Variants in CTIF observed in about 807,000 individuals in gnomAD.
CTIF encodes cap binding complex dependent translation initiation factor.
In CTIF, 21 loss-of-function variants were observed where a neutral mutation model predicts 66.0. That is an observed-to-expected ratio of 0.32 (90% CI 0.23 to 0.46). The LOEUF is 0.46. CTIF is among the 20% of genes least tolerant of loss of function. The pLI is 1.00. For synonymous variants in CTIF, 345 were observed against 326.4 expected (o/e 1.06, Z -0.62); for missense variants, 739 against 812.7 (o/e 0.91, Z 1.10).
intron 10 of CTIF, among the ~76,000 whole-genome samples, chr18:48,856,011 G>A (rs2146665069): frequency 1.3e-5 from 2 of 152,348 alleles, no homozygotes; most frequent in South Asian, 4.1e-4. Context: ...CATGGCAGGA[G>A]GGGACGGCAT....
intron 1 of CTIF, among the ~76,000 whole-genome samples, chr18:48,570,256 C>T (rs1420776515): frequency 5.9e-5 from 9 of 152,164 alleles, no homozygotes; most frequent in African/African-American, 1.2e-4. Context: ...TGATTCTCAG[C>T]GGGTAAAAGC....
At chr18:48,745,857 T>TGG (rs2092591744) in intron 7 of CTIF, among the ~76,000 whole-genome samples, 13 of 152,226 alleles carry the variant, frequency 8.5e-5, no homozygotes, top group African/African-American at 3.1e-4. Flanking sequence ...CTCTCTGTGA[T>TGG]AACGTCTCAC....
intron 1 of CTIF, among the ~76,000 whole-genome samples, chr18:48,579,349 T>C (rs1568045814): frequency 6.6e-6 from 1 of 152,162 alleles, no homozygotes; most frequent in Non-Finnish European, 1.5e-5. Context: ...TTTCTCCATG[T>C]TGGCCAGGCT....
intron 10 of CTIF, 81 bp downstream of exon 10, chr18:48,817,457 CT>C: frequency 6.7e-7 from 1 of 1,499,344 alleles, no homozygotes; most frequent in South Asian, 1.3e-5. Flanking sequence ...TGGGACAAAG[CT>C]GTGAGGGTAG....
At chr18:48,815,784 G>A (rs552457532) in intron 9 of CTIF, among the ~76,000 whole-genome samples, 1 of 152,350 alleles carries the variant, frequency 6.6e-6, no homozygotes, top group South Asian at 2.1e-4. Flanking sequence ...ATGCTTGGCT[G>A]AAGTCAGCAG....
intron 9 of CTIF, among the ~76,000 whole-genome samples, chr18:48,771,546 T>C (rs1221391304): frequency 2.0e-5 from 3 of 152,210 alleles, no homozygotes; most frequent in Non-Finnish European, 4.4e-5. Flanking sequence ...CTTCCCTGCA[T>C]GCCCTCACCC....
At chr18:48,788,108 C>T (rs1294781346) in intron 9 of CTIF, among the ~76,000 whole-genome samples, 1 of 152,156 alleles carries the variant, frequency 6.6e-6, no homozygotes, top group African/African-American at 2.4e-5. Flanking sequence ...GTGATAATCC[C>T]CATGGGGACA....
chr18:48,761,768 C>T lies in CTIF; in HGVS notation c.1371+79C>T, dbSNP rs910432088. 36 of 1,372,086 alleles carry T rather than the reference C, an allele frequency of 2.6e-5. No individual in the cohort carries two copies. The highest frequency in any genetic ancestry group is 6.1e-5 in the Admixed American group (3 of 49,516). The allele number at this position is 1,372,086 out of a possible 1,614,324, so 85.0% of individuals were successfully genotyped here. A position where few individuals can be genotyped will look rare whatever the true frequency, so the allele number is the denominator to read the frequency against. ...TGAGTTATTCCTAGCGAGAAGGCTG[C>T]GAGTTCTGGCCACAGTTGGACTTTT... On this transcript the variant is annotated intron_variant, in intron 9 of 11. Transcript: ENST00000256413. The surrounding 1 kb of genome is among the most constrained non-coding windows in gnomAD (Gnocchi z 4.2).
intron 1 of CTIF, among the ~76,000 whole-genome samples, chr18:48,594,886 C>T (rs72925534): frequency 0.091 from 13,821 of 152,222 alleles, 646 homozygotes; most frequent in African/African-American, 0.1. Context: ...GTCCCTGGGG[C>T]CAGGCTGAGA....
intron 9 of CTIF, among the ~76,000 whole-genome samples, chr18:48,816,833 G>A (rs2068373732): frequency 6.6e-6 from 1 of 152,230 alleles, no homozygotes; most frequent in African/African-American, 2.4e-5. Flanking sequence ...CATGACTTGG[G>A]GGTTAGCAAA....
chr18:48,689,338 C>A (rs914124035), intron 6 of CTIF, among the ~76,000 whole-genome samples: 2 of 152,224 alleles, frequency 1.3e-5, no homozygotes, highest in Non-Finnish European at 2.9e-5. Flanking sequence ...TCTATGAGGA[C>A]AGAGTGGCCG....
chr18:48,821,094 T>C (rs112753401), intron 10 of CTIF, among the ~76,000 whole-genome samples: 5 of 152,332 alleles, frequency 3.3e-5, no homozygotes, highest in African/African-American at 1.2e-4. Context: ...CATCTCTGCC[T>C]CTCTGTCTTC....
At position 48,540,810 on chromosome 18, in the gene CTIF, G is replaced by C. The variant is rs534235527; in HGVS notation, c.-29+1498G>C. Among the ~76,000 whole-genome samples, 5 of 152,182 alleles carry C rather than the reference G, an allele frequency of 3.3e-5. 1 individual carries two copies. In the South Asian group the frequency reaches 1.0e-3, roughly 32 times the overall value. On this transcript the variant is annotated intron_variant, in intron 1 of 11. Transcript: ENST00000256413. ...ATCCTCCGCGCGACCTGTCCCGCCA[G>C]CCCCCTCCTTGTCTAAGTCGGGGTC...
intron 1 of CTIF, among the ~76,000 whole-genome samples, chr18:48,544,124 C>T (rs1457119561): frequency 6.6e-6 from 1 of 152,156 alleles, no homozygotes; most frequent in Non-Finnish European, 1.5e-5. Flanking sequence ...TGATTCTCAA[C>T]TGACTCAAGT....
chr18:48,630,130 C>T lies in CTIF; in HGVS notation c.181-6484C>T, dbSNP rs554413066. Among the ~76,000 whole-genome samples, 93 of 152,230 alleles carry T rather than the reference C, an allele frequency of 6.1e-4. No individual in the cohort carries two copies. In the Middle Eastern group the frequency reaches 0.01, roughly 17 times the overall value. ...TGTCTCTCCCGGGACATGAATCATC[C>T]CTTTGTCCAGCGTTTCTAGGCTGTA... On this transcript the variant is annotated intron_variant, in intron 2 of 11. Transcript: ENST00000256413.
At chr18:48,811,364 G>A (rs1371048271) in intron 9 of CTIF, among the ~76,000 whole-genome samples, 1 of 151,868 alleles carries the variant, frequency 6.6e-6, no homozygotes, top group Non-Finnish European at 1.5e-5. Flanking sequence ...CATAAATTTT[G>A]TTGGCCATAA....
intron 10 of CTIF, among the ~76,000 whole-genome samples, chr18:48,818,330 A>G (rs1305834853): frequency 1.3e-5 from 2 of 152,226 alleles, no homozygotes; most frequent in African/African-American, 4.8e-5. Context: ...AGTTAGAGCC[A>G]GCAGGACTCG....
At chr18:48,623,596 A>C (rs1598755037) in intron 2 of CTIF, among the ~76,000 whole-genome samples, 1 of 151,434 alleles carries the variant, frequency 6.6e-6, no homozygotes, top group South Asian at 2.1e-4. Context: ...AAAAAAAAAA[A>C]CAGCAAACAC....
chr18:48,736,547 C>T (rs911426935), intron 7 of CTIF, among the ~76,000 whole-genome samples: 7 of 152,228 alleles, frequency 4.6e-5, no homozygotes, highest in Admixed American at 4.6e-4. Flanking sequence ...CGATGATTTT[C>T]CTTCTGGGCA....
Sources: allele counts gnomAD v4.1 joint callset (sites outside exome capture counted in the v4.1 genomes callset), GRCh38; gene constraint gnomAD v4.1.1; non-coding constraint Gnocchi (gnomAD v3.1); transcripts MANE v1.5; gene names NCBI Gene and HGNC (gene_info 2026-07-23, HGNC 2026-07-21).